The following HCRTR1 variants were observed in gnomAD, a reference collection of about 807,000 sequenced individuals.
HCRTR1 encodes the protein orexin/Hypocretin receptor type 1.
HCRTR1 carries 28 observed loss-of-function variants against 40.6 expected under a neutral mutation model. The observed-to-expected ratio is 0.69, with a 90% CI of 0.51 to 0.95. The LOEUF (loss-of-function observed/expected upper bound fraction) is 0.95. Ranked by LOEUF, HCRTR1 falls within the 40% of genes least tolerant of loss-of-function variation. The pLI is 0.00. For missense variants in HCRTR1, 482 were observed against 564.7 expected, an observed-to-expected ratio of 0.85 and a Z score of 1.48; for synonymous variants, 209 against 230.0, an observed-to-expected ratio of 0.91 and a Z score of 0.83.
At chr1:31,632,826 G>T (rs551773788), downstream of HCRTR1, among the ~76,000 whole-genome samples, 1 of 152,186 alleles carries the variant, frequency 6.6e-6, no homozygotes, top group South Asian at 2.1e-4. Context: ...TCCTACTCTG[G>T]ACACCTTTAG....
At chr1:31,619,793 C>A in intron 4 of HCRTR1, 83 bp downstream of exon 4, 1 of 1,320,686 alleles carries the variant, frequency 7.6e-7, no homozygotes, top group Non-Finnish European at 1.0e-6. Context: ...CAGTGACCCC[C>A]AGACTTGCCT....
Position 31,622,364 on chromosome 1 carries a change from G to A in HCRTR1, c.738+772G>A, listed in dbSNP as rs1324739379. Among the ~76,000 whole-genome samples, 3 of 152,126 alleles carry A rather than the reference G, an allele frequency of 2.0e-5. No homozygotes were observed. In the East Asian group the frequency reaches 5.8e-4, roughly 29 times the overall value. ...TTGGGGATGTCACCTACATTCCACA[G>A]GAAGTACTGGCTTGCACCCAGGCCA... On this transcript the variant is annotated intron_variant, in intron 6 of 8. Transcript: ENST00000403528.
Position 31,626,934 on chromosome 1 carries a change from T to C in HCRTR1, c.1232T>C (p.Ile411Thr), listed in dbSNP as rs890640656. ...CAGAGCCGATGCTCCATCTCCAAAATCTCTGAGCATGTGGTGCTCACCAGC... is the reference window on the plus strand; with the variant it reads ...CAGAGCCGATGCTCCATCTCCAAAACCTCTGAGCATGTGGTGCTCACCAGC... ...SLQSRCSISKISEHVVLTSVT... is the reference protein window; with the variant it reads ...SLQSRCSISKTSEHVVLTSVT... The change falls in exon 9 of 9, where the codon ATC (isoleucine) becomes ACC (threonine). Residue 411 changes from isoleucine to threonine, a missense_variant. By Grantham distance (89) the Ile-to-Thr change is moderately conservative. Coordinates refer to ENST00000403528, the MANE Select transcript of HCRTR1 (RefSeq NM_001525.3). This position sits in a 1 kb window ranked among gnomAD's most constrained non-coding sequence, Gnocchi z 4.6. 3.7e-6 allele frequency: 6 copies of C among 1,613,430 alleles called. No homozygotes were observed. The African/African-American group carries it at 6.7e-5, about 18-fold the overall frequency.
chr1:31,622,202 G>A (rs892493316), intron 6 of HCRTR1, among the ~76,000 whole-genome samples: 6 of 152,172 alleles, frequency 3.9e-5, no homozygotes, highest in South Asian at 2.1e-4. Flanking sequence ...ACTGACCCAC[G>A]GTGGGTTTCT....
At chr1:31,633,334 G>A, downstream of HCRTR1, 1 of 1,594,356 alleles carries the variant, frequency 6.3e-7, no homozygotes, top group Non-Finnish European at 8.6e-7. Context: ...GGGGTGTGAA[G>A]GCCATCAACA....
Position 31,621,558 on chromosome 1 carries a change from A to G in HCRTR1, c.704A>G (p.Tyr235Cys). The part of the protein sequence containing the change: ...LAPLGLMAMA[Y>C]FQIFRKLWGR... ...CCACTGGGCCTCATGGCCATGGCCTATTTCCAGATATTCCGCAAGCTCTGG... is the reference window on the plus strand; with the variant it reads ...CCACTGGGCCTCATGGCCATGGCCTGTTTCCAGATATTCCGCAAGCTCTGG... Residue 235 changes from tyrosine to cysteine, a missense_variant, in exon 6 of 9, where the codon TAT (tyrosine) becomes TGT (cysteine). By Grantham distance (194) the Tyr-to-Cys change is radical. Transcript: ENST00000403528. 6.2e-7 allele frequency: 1 copy of G among 1,613,776 alleles called. No individual in the cohort carries two copies. The highest frequency in any genetic ancestry group is 2.2e-5 in the East Asian group (1 of 44,878).
chr1:31,633,067 T>C, downstream of HCRTR1: 2 of 1,424,974 alleles, frequency 1.4e-6, no homozygotes, highest in South Asian at 1.4e-5. Flanking sequence ...TGAATTTCTC[T>C]TCAGAATGTC....
At chr1:31,632,269 G>A (rs1640126270), downstream of HCRTR1, 1 of 756,748 alleles carries the variant, frequency 1.3e-6, no homozygotes, top group Non-Finnish European at 2.3e-6. Flanking sequence ...AGCACTCCAG[G>A]GTCCAGCCCT....
chr1:31,633,143 C>T (rs938432787), downstream of HCRTR1: 4 of 1,607,936 alleles, frequency 2.5e-6, no homozygotes, highest in Non-Finnish European at 3.4e-6. Flanking sequence ...GGCCCAAGGG[C>T]AAGGCGGAGA....
downstream of HCRTR1, chr1:31,633,170 AG>A (rs754724978): frequency 7.4e-6 from 12 of 1,613,596 alleles, no homozygotes; most frequent in Non-Finnish European, 9.3e-6. Flanking sequence ...TATCATCATG[AG>A]GCAGGTCTCA....
chr1:31,619,826 G>A, intron 4 of HCRTR1, 116 bp downstream of exon 4: 1 of 925,422 alleles, frequency 1.1e-6, no homozygotes, highest in South Asian at 1.7e-5. Context: ...AGTGGCTCAT[G>A]ACCCCTGAAG....
downstream of HCRTR1, chr1:31,630,422 C>T (rs1223571034): frequency 6.3e-6 from 4 of 631,846 alleles, no homozygotes; most frequent in Admixed American, 2.9e-5. Context: ...TCTGTGTGGC[C>T]TCAGCCCCGG....
In HCRTR1 at chr1:31,623,257, T is replaced by C. The variant is rs111669362; in HGVS notation, c.739-266T>C. ...ATTGAAGAGAGCCAAGATTGCACCATTGCACTCCAGCTTAGGTGACAAGAG... is the reference window on the plus strand; with the variant it reads ...ATTGAAGAGAGCCAAGATTGCACCACTGCACTCCAGCTTAGGTGACAAGAG... On this transcript the variant is annotated intron_variant, in intron 6 of 8. Coordinates refer to ENST00000403528, the MANE Select transcript of HCRTR1 (RefSeq NM_001525.3). Among the ~76,000 whole-genome samples the C allele has an allele frequency of 4.0e-3, 591 of 146,892 alleles. 3 individuals are homozygous for C. Among genetic ancestry groups the C allele is most frequent in the African/African-American group, 0.014 (562 of 39,392 alleles).
intron 6 of HCRTR1, among the ~76,000 whole-genome samples, chr1:31,622,164 AG>A (rs1639870240): frequency 6.6e-6 from 1 of 152,248 alleles, no homozygotes; most frequent in South Asian, 2.1e-4. Flanking sequence ...TTCTGGTTCC[AG>A]GGCCTGTCTT....
chr1:31,626,965 C>T lies in HCRTR1; in HGVS notation c.1263C>T (p.Thr421=), dbSNP rs200207925. The T allele has an allele frequency of 1.9e-6, 3 of 1,612,618 alleles. No homozygotes were observed. The highest frequency in any genetic ancestry group is 2.5e-6 in the Non-Finnish European group (3 of 1,179,992). ...AGCATGTGGTGCTCACCAGCGTCACCACAGTGCTGCCCTGAGCGAGGGCTG... is the reference window on the plus strand; with the variant it reads ...AGCATGTGGTGCTCACCAGCGTCACTACAGTGCTGCCCTGAGCGAGGGCTG... ...ISEHVVLTSV[T]TVLP Residue 421 remains threonine, a synonymous_variant, in exon 9 of 9, where the codon ACC becomes ACT. Transcript: ENST00000403528. This position sits in a 1 kb window ranked among gnomAD's most constrained non-coding sequence, Gnocchi z 4.6.
At position 31,619,311 on chromosome 1, in the gene HCRTR1, T is replaced by G; in HGVS notation, c.119T>G (p.Leu40Arg). ...CTCCGCTATCTGTGGCGCGATTATCTGTACCCAAAACAGTATGAGTGGGTC... is the reference window on the plus strand; with the variant it reads ...CTCCGCTATCTGTGGCGCGATTATCGGTACCCAAAACAGTATGAGTGGGTC... ...EFLRYLWRDYLYPKQYEWVLI... is the reference protein window; with the variant it reads ...EFLRYLWRDYRYPKQYEWVLI... Residue 40 changes from leucine to arginine, a missense_variant, in exon 3 of 9, where the codon CTG becomes CGG. Leu to Arg is a moderately radical substitution (Grantham distance 102). Transcript: ENST00000403528. The G allele has an allele frequency of 6.2e-7, 1 of 1,614,232 alleles. No individual in the cohort carries two copies. Among genetic ancestry groups the G allele is most frequent in the Non-Finnish European group, 8.5e-7 (1 of 1,180,028 alleles).
chr1:31,632,875 G>C (rs1275682812), downstream of HCRTR1, among the ~76,000 whole-genome samples: 1 of 152,164 alleles, frequency 6.6e-6, no homozygotes, highest in Non-Finnish European at 1.5e-5. Context: ...CTGCAGGCTT[G>C]GCACCTGACC....
chr1:31,627,654 A>C (rs1444921223), downstream of HCRTR1: 1 of 309,046 alleles, frequency 3.2e-6, no homozygotes, highest in Non-Finnish European at 6.4e-6. Context: ...TGTGCTGCTT[A>C]GGTTAGGAGC....
Position 31,620,833 on chromosome 1 carries a change from C to CG in HCRTR1, c.379-9dup. On this transcript the variant is annotated splice_polypyrimidine_tract_variant and intron_variant, in intron 4 of 8. Transcript: ENST00000403528. ...CCCAAAATGACCGACGTTGTGTCCC[C>CG]GTGGGGCAGGCTGTGTCCGTGTCAG... is the stretch of plus-strand genomic sequence containing the variant. The CG allele has an allele frequency of 6.2e-7, 1 of 1,611,446 alleles. No homozygotes were observed. Among genetic ancestry groups the CG allele is most frequent in the Non-Finnish European group, 8.5e-7 (1 of 1,178,450 alleles).
Sources: allele counts gnomAD v4.1 joint callset (sites outside exome capture counted in the v4.1 genomes callset), GRCh38; gene constraint gnomAD v4.1.1; non-coding constraint Gnocchi (gnomAD v3.1); transcripts MANE v1.5; gene names NCBI Gene and HGNC (gene_info 2026-07-23, HGNC 2026-07-21).